The following ZNF746 variants were observed in gnomAD, a reference collection of about 807,000 sequenced individuals.
ZNF746 encodes the protein zinc finger protein 746, also known as parkin-interacting substrate.
ZNF746 carries 13 observed loss-of-function variants against 41.0 expected under a neutral mutation model. That is an observed-to-expected ratio of 0.32 (90% confidence interval 0.21 to 0.50). ZNF746 has a LOEUF of 0.50. Ranked by LOEUF, ZNF746 falls within the 20% of genes least tolerant of loss-of-function variation. The pLI is 0.98. For synonymous variants in ZNF746, 424 were observed against 396.2 expected, an observed-to-expected ratio of 1.07 and a Z score of -0.83; for missense variants, 811 against 922.9, an observed-to-expected ratio of 0.88 and a Z score of 1.57.
chr7:149,481,401 C>T (rs973782135), intron 4 of ZNF746, among the ~76,000 whole-genome samples: 1 of 152,110 alleles, frequency 6.6e-6, no homozygotes, highest in Non-Finnish European at 1.5e-5. Flanking sequence ...CCTAATACGA[C>T]GTAAATGCTA....
At chr7:149,495,679 G>A (rs1800973157) in intron 1 of ZNF746, among the ~76,000 whole-genome samples, 1 of 152,182 alleles carries the variant, frequency 6.6e-6, no homozygotes, top group Non-Finnish European at 1.5e-5. Context: ...AAACCAGTGT[G>A]GATTCACTTA....
chr7:149,475,136 T>A lies in ZNF746; in HGVS notation c.1231A>T (p.Thr411Ser). 1 of 1,612,398 alleles carries A rather than the reference T, an allele frequency of 6.2e-7. No homozygotes were observed. The highest frequency in any genetic ancestry group is 1.1e-5 in the South Asian group (1 of 90,952). The change falls in exon 7 of 7, where the codon ACG (threonine) becomes TCG (serine). Residue 411 changes from threonine (T) to serine (S), a missense_variant. Thr to Ser is a moderately conservative substitution (Grantham distance 58). Transcript: ENST00000458143. Reference protein sequence around the residue: ...CKPPVGLNPRTGPEGLPYSSP... With the variant: ...CKPPVGLNPRSGPEGLPYSSP... ...GAGTAAGGAAGCCCCTCGGGCCCCG[T>A]CCTCGGGTTCAGGCCCACTGGCGGT...
chr7:149,488,277 A>C (rs1280581604), intron 4 of ZNF746: 1 of 152,112 alleles, frequency 6.6e-6, no homozygotes, highest in Non-Finnish European at 1.5e-5. Context: ...TGAAAAGCAA[A>C]ACTTTTAAAA....
intron 1 of ZNF746, among the ~76,000 whole-genome samples, chr7:149,495,975 G>C (rs1373313218): frequency 3.2e-5 from 3 of 94,954 alleles, no homozygotes; most frequent in African/African-American, 1.3e-4. Context: ...GTGGTTCTGG[G>C]CTTGAGTCCA....
At chr7:149,475,600 G>C in intron 6 of ZNF746, 117 bp from the exon 7 acceptor site, 1 of 1,489,490 alleles carries the variant, frequency 6.7e-7, no homozygotes, top group Non-Finnish European at 8.9e-7. Flanking sequence ...CCAGGCCCTC[G>C]TGGCTGAGCC....
Position 149,497,334 on chromosome 7 carries a change from C to T in ZNF746, c.24+179G>A, listed in dbSNP as rs1801723109. 1.0e-6 allele frequency: 1 copy of T among 983,048 alleles called. No individual in the cohort carries two copies. Among genetic ancestry groups the T allele is most frequent in the Non-Finnish European group, 1.2e-6 (1 of 828,086 alleles). The allele number at this position is 983,048 out of a possible 1,614,324, so 60.9% of individuals were successfully genotyped here. ...GCTCGGGTTCGGCTCGGAGTGGGGG[C>T]CCGGCCGACGGGCGCAGTAGGCCCC... On this transcript the variant is annotated intron_variant, in intron 1 of 6. Coordinates refer to ENST00000458143, the MANE Select transcript of ZNF746 (RefSeq NM_001394198.1). The surrounding 1 kb of genome is among the most constrained non-coding windows in gnomAD (Gnocchi z 4.2).
rs1389957825 is a variant in ZNF746, at chr7:149,484,894, A to G, written c.566-7139T>C. On this transcript the variant is annotated intron_variant, in intron 4 of 6. Coordinates refer to ENST00000458143, the MANE Select transcript of ZNF746 (RefSeq NM_001394198.1). Reference sequence around the variant, plus strand: ...TACTGTGAGGTTTTTGAGAAAGCCTATCAGTTACAATTTTTCTTCCTTATC... The same window carrying G: ...TACTGTGAGGTTTTTGAGAAAGCCTGTCAGTTACAATTTTTCTTCCTTATC... Among the ~76,000 whole-genome samples the G allele has an allele frequency of 2.0e-5, 3 of 152,120 alleles. No homozygotes were observed. The East Asian group carries it at 5.8e-4, about 29-fold the overall frequency.
Position 149,497,638 on chromosome 7 carries a change from CT to C in ZNF746, c.-103del. ...GCCCGGTGCTCTCCGCAGGCGGCGC[CT>C]GCCTGGCCTTTCCTCTGCCGCCGCT... On this transcript the variant is annotated 5_prime_UTR_variant, in exon 1 of 7. Coordinates refer to ENST00000458143, the MANE Select transcript of ZNF746 (RefSeq NM_001394198.1). This position sits in a 1 kb window ranked among gnomAD's most constrained non-coding sequence, Gnocchi z 4.2. 1 of 912,150 alleles carries C rather than the reference CT, an allele frequency of 1.1e-6. No individual in the cohort carries two copies. Among genetic ancestry groups the C allele is most frequent in the Non-Finnish European group, 1.3e-6 (1 of 758,138 alleles). 56.5% of individuals were successfully genotyped at this position (912,150 alleles called of 1,614,324 possible).
Position 149,492,864 on chromosome 7 carries a change from C to T in ZNF746, c.560G>A (p.Ser187Asn), listed in dbSNP as rs377598449. 41 of 1,613,112 alleles carry T rather than the reference C, an allele frequency of 2.5e-5. No homozygotes were observed. In the African/African-American group the frequency reaches 4.3e-4, roughly 17 times the overall value. ...GGCCTTCTCCCAGCCCTTACCTGGA[C>T]TGGGGTCCACAGGAACATCTGGAAT... Reference protein sequence around the residue: ...PKIPDVPVDPSPGSGPPVPAP... With the variant: ...PKIPDVPVDPNPGSGPPVPAP... Residue 187 changes from serine (S) to asparagine (N), a missense_variant, in exon 4 of 7, where the codon AGT (serine) becomes AAT (asparagine). Around this residue, in one of 4 missense-constraint regions of ZNF746, gnomAD observed 495 missense variants for 481.6 expected, o/e 1.03. Transcript: ENST00000458143.
rs1170792522 is a variant in ZNF746 at position 149,494,064 on chromosome 7, C to T, written c.376G>A (p.Gly126Ser). ...TCCTTCTGCCAGTCCTCCAGCTTGC[C>T]CCACTCCTGCTCGGAGAAATACACG... ...VAVYFSEQEWGKLEDWQKELY... is the reference protein window; with the variant it reads ...VAVYFSEQEWSKLEDWQKELY... The change falls in exon 3 of 7, where the codon GGC becomes AGC. Residue 126 changes from glycine to serine, a missense_variant. Transcript: ENST00000458143. The surrounding 1 kb of genome is among the most constrained non-coding windows in gnomAD (Gnocchi z 5.6). 1 of 1,614,146 alleles carries T rather than the reference C, an allele frequency of 6.2e-7. No individual in the cohort carries two copies. The highest frequency in any genetic ancestry group is 8.5e-7 in the Non-Finnish European group (1 of 1,180,040).
At chr7:149,478,686 T>C (rs1464317242) in intron 4 of ZNF746, among the ~76,000 whole-genome samples, 1 of 152,130 alleles carries the variant, frequency 6.6e-6, no homozygotes, top group Non-Finnish European at 1.5e-5. Flanking sequence ...ATGAGAGTCA[T>C]GGCAGAGTTC....
chr7:149,473,496 AC>A lies in ZNF746; in HGVS notation c.*887del, dbSNP rs1800169252. 1 of 152,302 alleles carries A rather than the reference AC, an allele frequency of 6.6e-6. No individual in the cohort carries two copies. The highest frequency in any genetic ancestry group is 1.9e-4 in the East Asian group (1 of 5,168). 9.4% of individuals were successfully genotyped at this position (152,302 alleles called of 1,614,324 possible). A position where few individuals can be genotyped will look rare whatever the true frequency, so the allele number is the denominator to read the frequency against. The stretch of plus-strand genomic sequence containing the variant: ...AGATGCATTTTGAAAATAAGAAACT[AC>A]CACACAAAGTGAACAGGAGACAGAA... On this transcript the variant is annotated 3_prime_UTR_variant, in exon 7 of 7. Coordinates refer to ENST00000458143, the MANE Select transcript of ZNF746 (RefSeq NM_001394198.1).
intron 3 of ZNF746, among the ~76,000 whole-genome samples, chr7:149,493,746 G>T (rs551025163): frequency 6.6e-6 from 1 of 152,172 alleles, no homozygotes; most frequent in African/African-American, 2.4e-5. Context: ...TCCACATCCC[G>T]GGCCTGCGTA....
chr7:149,497,591 G>A lies in ZNF746; in HGVS notation c.-55C>T. ...GAAGTCGTCGTCGCCGCCGCCGCGCGCGGCACCACGCAGGCCCGGCCGCCC... is the reference window on the plus strand; with the variant it reads ...GAAGTCGTCGTCGCCGCCGCCGCGCACGGCACCACGCAGGCCCGGCCGCCC... On this transcript the variant is annotated 5_prime_UTR_variant, in exon 1 of 7. Transcript: ENST00000458143. This position sits in a 1 kb window ranked among gnomAD's most constrained non-coding sequence, Gnocchi z 4.2. The A allele has an allele frequency of 9.6e-7, 1 of 1,036,384 alleles. No homozygotes were observed. The highest frequency in any genetic ancestry group is 1.2e-6 in the Non-Finnish European group (1 of 866,450). The allele number at this position is 1,036,384 out of a possible 1,614,324, so 64.2% of individuals were successfully genotyped here.
At chr7:149,493,411 G>A (rs1800877956) in intron 3 of ZNF746, among the ~76,000 whole-genome samples, 1 of 152,160 alleles carries the variant, frequency 6.6e-6, no homozygotes, top group Non-Finnish European at 1.5e-5. Context: ...TCGGCTCCGG[G>A]GTCACACAGA....
chr7:149,475,989 C>A (rs1449538363), intron 6 of ZNF746, among the ~76,000 whole-genome samples: 3 of 152,178 alleles, frequency 2.0e-5, no homozygotes, highest in Non-Finnish European at 4.4e-5. Context: ...AATAAATGGA[C>A]CCACCAGCTA....
intron 4 of ZNF746, among the ~76,000 whole-genome samples, chr7:149,485,029 T>C (rs1800580975): frequency 6.6e-6 from 1 of 151,948 alleles, no homozygotes; most frequent in Non-Finnish European, 1.5e-5. Context: ...GCAGGGACAT[T>C]GGAATGCGCT....
At chr7:149,487,898 T>G (rs189998518) in intron 4 of ZNF746, 1 of 152,284 alleles carries the variant, frequency 6.6e-6, no homozygotes, top group African/African-American at 2.4e-5. Flanking sequence ...TCTTAGGAAC[T>G]TGACATACAG....
At chr7:149,483,647 T>C (rs1402425466) in intron 4 of ZNF746, among the ~76,000 whole-genome samples, 1 of 150,922 alleles carries the variant, frequency 6.6e-6, no homozygotes, top group East Asian at 1.9e-4. Context: ...CAAAAATTAA[T>C]GGGTTAAGCG....
Sources: allele counts gnomAD v4.1 joint callset (sites outside exome capture counted in the v4.1 genomes callset), GRCh38; gene constraint gnomAD v4.1.1; regional missense constraint gnomAD v4.1.1; non-coding constraint Gnocchi (gnomAD v3.1); transcripts MANE v1.5; gene names NCBI Gene and HGNC (gene_info 2026-07-23, HGNC 2026-07-21).